SKAP1: variants seen among roughly 807,000 people sequenced by gnomAD.
SKAP1 encodes src kinase associated phosphoprotein 1.
In SKAP1, 44 loss-of-function variants were observed where a neutral mutation model predicts 58.5. That is an observed-to-expected ratio of 0.75 (90% CI 0.59 to 0.97). The LOEUF (loss-of-function observed/expected upper bound fraction) is 0.97, where lower values mean the gene tolerates loss of function less well. SKAP1 is among the 50% of genes least tolerant of loss of function. The pLI, the probability that SKAP1 is intolerant of heterozygous loss-of-function variation, is 0.00. For synonymous variants in SKAP1, 127 were observed against 149.7 expected, an observed-to-expected ratio of 0.85 and a Z score of 1.11; for missense variants, 390 against 435.2, an observed-to-expected ratio of 0.90 and a Z score of 0.92.
At chr17:48,274,272 C>T (rs552820189) in intron 4 of SKAP1, among the ~76,000 whole-genome samples, 7 of 151,670 alleles carry the variant, frequency 4.6e-5, no homozygotes, top group Non-Finnish European at 8.8e-5. Flanking sequence ...GGCACGGGCC[C>T]GTAGTCCCAG....
At chr17:48,376,959 G>A (rs2067157498) in intron 2 of SKAP1, among the ~76,000 whole-genome samples, 1 of 152,160 alleles carries the variant, frequency 6.6e-6, no homozygotes, top group South Asian at 2.1e-4. Flanking sequence ...GAGAGGCCAG[G>A]CCCAAGATGC....
At chr17:48,362,228 G>A (rs758739410) in intron 3 of SKAP1, among the ~76,000 whole-genome samples, 1 of 152,236 alleles carries the variant, frequency 6.6e-6, no homozygotes, top group Non-Finnish European at 1.5e-5. Context: ...AAAGATGACT[G>A]CAATGCCAGC....
intron 9 of SKAP1, among the ~76,000 whole-genome samples, chr17:48,175,950 G>A (rs1465235637): frequency 6.6e-6 from 1 of 152,118 alleles, no homozygotes; most frequent in Non-Finnish European, 1.5e-5. Context: ...CTTCCCTGAT[G>A]CTCTTTCTTC....
intron 11 of SKAP1, among the ~76,000 whole-genome samples, chr17:48,149,918 G>A (rs762636274): frequency 6.6e-6 from 1 of 152,018 alleles, no homozygotes; most frequent in African/African-American, 2.4e-5. Context: ...GGGGAAAGAA[G>A]GGGAAAAAAG....
rs1314716300 is a variant in SKAP1, at chr17:48,353,927, AAAGAAGAAGAGG to A, written c.179-7933_179-7922del. On this transcript the variant is annotated intron_variant, in intron 3 of 12. Coordinates refer to ENST00000336915, the MANE Select transcript of SKAP1 (RefSeq NM_003726.4). ...AAAAAAAAAAAGAAAAGAAAAGAAG[AAAGAAGAAGAGG>A]AAGAAGAAGAAGAAGAAGAAGAGGA... 2.2e-5 allele frequency among the ~76,000 whole-genome samples: 3 copies of A among 133,500 alleles called. No homozygotes were observed. In the East Asian group the frequency reaches 6.2e-4, roughly 28 times the overall value. 87.6% of individuals were successfully genotyped at this position (133,500 alleles called of 152,430 possible).
At chr17:48,167,332 G>A (rs2064154012) in intron 10 of SKAP1, among the ~76,000 whole-genome samples, 1 of 152,136 alleles carries the variant, frequency 6.6e-6, no homozygotes, top group East Asian at 1.9e-4. Flanking sequence ...GTATAAGTAT[G>A]ATTTGGAAGT....
chr17:48,238,798 T>C (rs1229635513), intron 4 of SKAP1, among the ~76,000 whole-genome samples: 2 of 152,222 alleles, frequency 1.3e-5, no homozygotes, highest in Admixed American at 6.5e-5. Flanking sequence ...TACTATTATA[T>C]TGTGATCCTT....
At chr17:48,418,830 T>C (rs1212491356) in intron 1 of SKAP1, among the ~76,000 whole-genome samples, 1 of 152,054 alleles carries the variant, frequency 6.6e-6, no homozygotes, top group Non-Finnish European at 1.5e-5. Flanking sequence ...GGACAACAGA[T>C]ACAAAAAAGT....
At chr17:48,417,197 C>T (rs1315319575) in intron 1 of SKAP1, among the ~76,000 whole-genome samples, 2 of 152,154 alleles carry the variant, frequency 1.3e-5, no homozygotes, top group Non-Finnish European at 2.9e-5. Flanking sequence ...CTGGTTGTGG[C>T]TAGGTTCGAC....
chr17:48,382,196 AC>A (rs1379815321), intron 2 of SKAP1, among the ~76,000 whole-genome samples: 1 of 148,466 alleles, frequency 6.7e-6, no homozygotes, highest in Non-Finnish European at 1.5e-5. Context: ...AAAAAAAAAA[AC>A]CCACATGGGG....
chr17:48,278,406 T>C (rs1489887881), intron 4 of SKAP1, among the ~76,000 whole-genome samples: 1 of 152,224 alleles, frequency 6.6e-6, no homozygotes, highest in Non-Finnish European at 1.5e-5. Flanking sequence ...TATAATAGAA[T>C]ATAATTCTAG....
At chr17:48,261,580 G>C (rs566293732) in intron 4 of SKAP1, among the ~76,000 whole-genome samples, 2 of 152,260 alleles carry the variant, frequency 1.3e-5, no homozygotes, top group South Asian at 4.1e-4. Context: ...GTAAGCAGCA[G>C]GAAGCATAAC....
rs763972208 is a variant in SKAP1 at position 48,289,906 on chromosome 17, TAA to T, written c.280+55997_280+55998del. On this transcript the variant is annotated intron_variant, in intron 4 of 12. Transcript: ENST00000336915. Reference sequence around the variant, plus strand: ...TTCAGAACATGTACCATGTTTCACCTAAAGAGTGGCTGCAGTTATATAATAAA... The same window carrying T: ...TTCAGAACATGTACCATGTTTCACCTAGAGTGGCTGCAGTTATATAATAAA... Among the ~76,000 whole-genome samples the T allele has an allele frequency of 4.4e-4, 67 of 152,258 alleles. 1 individual carries two copies. The highest frequency in any genetic ancestry group is 8.3e-4 in the South Asian group (4 of 4,830).
chr17:48,316,833 T>C (rs950128599), intron 4 of SKAP1, among the ~76,000 whole-genome samples: 4 of 147,114 alleles, frequency 2.7e-5, no homozygotes. Flanking sequence ...GCTCTCTCTT[T>C]CCCCAACTTG....
At position 48,405,389 on chromosome 17, in the gene SKAP1, TTTC is replaced by T. The variant is rs1296688294; in HGVS notation, c.47-8607_47-8605del. ...CCAGGGTGCATTTTCTTTTTTTCTCTTTCCTTTCTTTCTTTCTTTCTTTCTTTC... is the reference window on the plus strand; with the variant it reads ...CCAGGGTGCATTTTCTTTTTTTCTCTCTTTCTTTCTTTCTTTCTTTCTTTC... On this transcript the variant is annotated intron_variant, in intron 1 of 12. Coordinates refer to ENST00000336915, the MANE Select transcript of SKAP1 (RefSeq NM_003726.4). 6.8e-4 allele frequency among the ~76,000 whole-genome samples: 101 copies of T among 147,720 alleles called. 1 individual carries two copies. Among genetic ancestry groups the T allele is most frequent in the African/African-American group, 2.4e-3 (96 of 40,142 alleles).
At chr17:48,420,618 T>C (rs1371907431) in intron 1 of SKAP1, among the ~76,000 whole-genome samples, 1 of 152,218 alleles carries the variant, frequency 6.6e-6, no homozygotes, top group African/African-American at 2.4e-5. Context: ...GAATGCCTAA[T>C]GCTCAAATCA....
intron 12 of SKAP1, among the ~76,000 whole-genome samples, chr17:48,136,188 T>TC (rs987594763): frequency 6.6e-6 from 1 of 151,876 alleles, no homozygotes; most frequent in African/African-American, 2.4e-5. Flanking sequence ...TTTTTTTTTT[T>TC]CTCAAGACAG....
intron 4 of SKAP1, among the ~76,000 whole-genome samples, chr17:48,266,492 CT>C (rs1466772586): frequency 2.7e-5 from 4 of 150,706 alleles, no homozygotes; most frequent in Non-Finnish European, 5.9e-5. Context: ...TTTTCCTTTT[CT>C]TTTTTTCTTT....
At chr17:48,170,865 C>T (rs2064201190) in intron 9 of SKAP1, among the ~76,000 whole-genome samples, 3 of 152,028 alleles carry the variant, frequency 2.0e-5, no homozygotes, top group Non-Finnish European at 1.5e-5. Context: ...TGCCCACCAC[C>T]ACGCCTAATT....
Sources: allele counts gnomAD v4.1 joint callset (sites outside exome capture counted in the v4.1 genomes callset), GRCh38; gene constraint gnomAD v4.1.1; transcripts MANE v1.5; gene names NCBI Gene and HGNC (gene_info 2026-07-23, HGNC 2026-07-21).